CAMKMT: variants seen among roughly 807,000 people sequenced by gnomAD.
CAMKMT encodes the protein CaM KMT.
CAMKMT carries 53 observed loss-of-function variants against 48.0 expected under a neutral mutation model. That is an observed-to-expected ratio of 1.10 (90% CI 0.89 to 1.39). The LOEUF (loss-of-function observed/expected upper bound fraction) is 1.39. Ranked by LOEUF, CAMKMT falls within the 40% of genes most tolerant of loss-of-function variation. The pLI is 0.00. For missense variants in CAMKMT, 428 were observed against 402.7 expected, an observed-to-expected ratio of 1.06 and a Z score of -0.54; for synonymous variants, 165 against 152.3, an observed-to-expected ratio of 1.08 and a Z score of -0.61.
chr2:44,484,307 T>A (rs1669110871), intron 3 of CAMKMT, among the ~76,000 whole-genome samples: 1 of 152,094 alleles, frequency 6.6e-6, no homozygotes, highest in African/African-American at 2.4e-5. Context: ...TTGGAAGATT[T>A]ACACTACCAG....
At chr2:44,434,196 C>A (rs1684813903) in intron 3 of CAMKMT, among the ~76,000 whole-genome samples, 1 of 150,364 alleles carries the variant, frequency 6.7e-6, no homozygotes, top group South Asian at 2.1e-4. Context: ...ACCAAGTATT[C>A]AACTGTGGGC....
At chr2:44,739,128 T>C (rs1025260182) in intron 7 of CAMKMT, among the ~76,000 whole-genome samples, 2 of 152,086 alleles carry the variant, frequency 1.3e-5, no homozygotes, top group Non-Finnish European at 2.9e-5. Context: ...TTGCTCTGAG[T>C]GAAGAGAGAA....
intron 4 of CAMKMT, chr2:44,705,401 GC>G: frequency 2.0e-6 from 2 of 985,336 alleles, no homozygotes; most frequent in Non-Finnish European, 2.4e-6. Context: ...TTGAATGTGG[GC>G]TGCAGAGCTG....
chr2:44,533,128 C>T (rs374226264), intron 3 of CAMKMT, among the ~76,000 whole-genome samples: 10 of 151,048 alleles, frequency 6.6e-5, no homozygotes, highest in African/African-American at 9.7e-5. Flanking sequence ...GATTTTTAAA[C>T]GGAGTAATAG....
At chr2:44,438,498 A>G (rs965496453) in intron 3 of CAMKMT, among the ~76,000 whole-genome samples, 1 of 152,232 alleles carries the variant, frequency 6.6e-6, no homozygotes, top group Non-Finnish European at 1.5e-5. Flanking sequence ...GTAGTCCTCA[A>G]CAACTATAAA....
intron 3 of CAMKMT, among the ~76,000 whole-genome samples, chr2:44,599,419 G>A (rs1670854748): frequency 6.6e-6 from 1 of 152,030 alleles, no homozygotes; most frequent in Non-Finnish European, 1.5e-5. Flanking sequence ...TACTGCACTG[G>A]TTACAGCTAA....
intron 8 of CAMKMT, among the ~76,000 whole-genome samples, chr2:44,750,481 C>T (rs1680106380): frequency 6.6e-6 from 1 of 152,122 alleles, no homozygotes; most frequent in Admixed American, 6.5e-5. Context: ...TTTAAAAAGA[C>T]ATCGTTGTCA....
intron 3 of CAMKMT, among the ~76,000 whole-genome samples, chr2:44,485,768 T>C (rs1473522622): frequency 6.6e-6 from 1 of 152,114 alleles, no homozygotes; most frequent in African/African-American, 2.4e-5. Context: ...TACCAAAACA[T>C]CCTTATGCAA....
At chr2:44,392,530 G>A (rs1367726771) in intron 3 of CAMKMT, among the ~76,000 whole-genome samples, 1 of 151,924 alleles carries the variant, frequency 6.6e-6, no homozygotes, top group East Asian at 1.9e-4. Context: ...TTGAGTTTGT[G>A]ACTAGAAAAC....
chr2:44,743,353 G>A (rs1035178512), intron 7 of CAMKMT, among the ~76,000 whole-genome samples: 2 of 152,096 alleles, frequency 1.3e-5, no homozygotes, highest in Non-Finnish European at 2.9e-5. Flanking sequence ...GTAAAGATAA[G>A]ATATTTTTCT....
intron 3 of CAMKMT, among the ~76,000 whole-genome samples, chr2:44,595,832 CA>C (rs1454336621): frequency 6.6e-6 from 1 of 152,070 alleles, no homozygotes; most frequent in African/African-American, 2.4e-5. Flanking sequence ...ATGTCCTTTG[CA>C]GGGACATGGA....
intron 1 of CAMKMT, among the ~76,000 whole-genome samples, chr2:44,362,628 C>T (rs1361971786): frequency 6.6e-6 from 1 of 152,184 alleles, no homozygotes; most frequent in African/African-American, 2.4e-5. Flanking sequence ...GCATGCGTTC[C>T]CTCGGCATCT....
At chr2:44,515,459 G>A (rs1158313656) in intron 3 of CAMKMT, among the ~76,000 whole-genome samples, 1 of 152,138 alleles carries the variant, frequency 6.6e-6, no homozygotes, top group Non-Finnish European at 1.5e-5. Flanking sequence ...TGGGATTAGG[G>A]GAGTTACATG....
At chr2:44,768,882 G>T (rs1680980605) in intron 10 of CAMKMT, among the ~76,000 whole-genome samples, 1 of 152,172 alleles carries the variant, frequency 6.6e-6, no homozygotes, top group South Asian at 2.1e-4. Flanking sequence ...TATCCTCTTA[G>T]CCCTACTGTG....
At chr2:44,396,196 G>A (rs1681823893) in intron 3 of CAMKMT, among the ~76,000 whole-genome samples, 1 of 151,938 alleles carries the variant, frequency 6.6e-6, no homozygotes, top group African/African-American at 2.4e-5. Context: ...TTAATATATT[G>A]AAATCAAGAA....
At chr2:44,641,270 A>G (rs1304302277) in intron 3 of CAMKMT, among the ~76,000 whole-genome samples, 1 of 152,160 alleles carries the variant, frequency 6.6e-6, no homozygotes, top group Non-Finnish European at 1.5e-5. Flanking sequence ...TAGATGACCT[A>G]CGGTTGCCTA....
intron 1 of CAMKMT, 91 bp downstream of exon 1, chr2:44,362,236 G>A: frequency 5.1e-6 from 6 of 1,183,990 alleles, no homozygotes; most frequent in Admixed American, 4.1e-5. Context: ...TTTCCTCTTG[G>A]CAGCTCTGGG....
chr2:44,753,930 A>T, intron 8 of CAMKMT, 125 bp from the exon 9 acceptor site: 1 of 701,438 alleles, frequency 1.4e-6, no homozygotes, highest in Non-Finnish European at 2.5e-6. Context: ...CTTGAATGGT[A>T]GGAAACAATT....
intron 4 of CAMKMT, 23 bp downstream of exon 4, chr2:44,704,366 T>G: frequency 6.6e-7 from 1 of 1,513,308 alleles, no homozygotes; most frequent in Non-Finnish European, 9.0e-7. Flanking sequence ...ACTTAAGATA[T>G]TTTTTAGCCC....
Sources: allele counts gnomAD v4.1 joint callset (sites outside exome capture counted in the v4.1 genomes callset), GRCh38; gene constraint gnomAD v4.1.1; transcripts MANE v1.5; gene names NCBI Gene and HGNC (gene_info 2026-07-23, HGNC 2026-07-21).